The following KDM4C variants were observed in gnomAD, a reference collection of about 807,000 sequenced individuals.
The protein encoded by KDM4C is lysine demethylase 4C, also known as lysine-specific demethylase 4C.
In KDM4C, 81 loss-of-function variants were observed where a neutral mutation model predicts 129.3. That is an observed-to-expected ratio of 0.63 (90% confidence interval 0.52 to 0.75). KDM4C has a LOEUF of 0.75. Among genes scored for constraint, KDM4C ranks in the 30% least tolerant of loss-of-function variants. KDM4C has a pLI of 0.00. For missense variants in KDM4C, 1,457 were observed against 1,304.0 expected, an observed-to-expected ratio of 1.12 and a Z score of -1.81; for synonymous variants, 573 against 456.1, an observed-to-expected ratio of 1.26 and a Z score of -3.26.
At chr9:6,986,828 C>T in intron 11 of KDM4C, 162 bp downstream of exon 11, 2 of 559,772 alleles carry the variant, frequency 3.6e-6, no homozygotes, top group South Asian at 6.2e-5. Context: ...AGGTAAGCCT[C>T]CTGTGAGCTG....
intron 17 of KDM4C, among the ~76,000 whole-genome samples, chr9:7,052,818 C>A (rs1830328414): frequency 6.8e-6 from 1 of 146,304 alleles, no homozygotes; most frequent in African/African-American, 2.6e-5. Context: ...TCTTAAACTA[C>A]CACCTCCCTT....
intron 18 of KDM4C, among the ~76,000 whole-genome samples, chr9:7,122,265 ACTCTCT>A (rs1554751922): frequency 1.4e-5 from 2 of 144,714 alleles, no homozygotes; most frequent in Non-Finnish European, 3.0e-5. Context: ...ACACACACAC[ACTCTCT>A]CTCTCTCTCT....
intron 2 of KDM4C, among the ~76,000 whole-genome samples, chr9:6,796,647 CA>C (rs1206598347): frequency 5.3e-5 from 8 of 152,178 alleles, no homozygotes; most frequent in Non-Finnish European, 8.8e-5. Flanking sequence ...ACTATGATTA[CA>C]AAACACACCT....
At chr9:7,029,938 G>A (rs1241418013) in intron 15 of KDM4C, among the ~76,000 whole-genome samples, 1 of 152,176 alleles carries the variant, frequency 6.6e-6, no homozygotes, top group African/African-American at 2.4e-5. Context: ...TAAAGTATCA[G>A]TTGTGCTATG....
At chr9:6,821,017 A>G (rs1440514729) in intron 4 of KDM4C, among the ~76,000 whole-genome samples, 6 of 152,146 alleles carry the variant, frequency 3.9e-5, no homozygotes. Flanking sequence ...GATGGTTTAT[A>G]GCTCCATCCA....
intron 8 of KDM4C, among the ~76,000 whole-genome samples, chr9:6,965,458 A>G (rs191509637): frequency 2.7e-4 from 41 of 152,334 alleles, no homozygotes; most frequent in East Asian, 7.7e-4. Flanking sequence ...TCTCCAGACT[A>G]ACAATACCAG....
intron 18 of KDM4C, among the ~76,000 whole-genome samples, chr9:7,113,266 C>A (rs1013030375): frequency 1.3e-5 from 2 of 152,188 alleles, no homozygotes; most frequent in Non-Finnish European, 2.9e-5. Context: ...AGCTCTCTCT[C>A]CACTTATCCC....
chr9:6,804,239 G>A (rs1040955591), intron 2 of KDM4C, among the ~76,000 whole-genome samples: 4 of 152,188 alleles, frequency 2.6e-5, no homozygotes, highest in Admixed American at 1.3e-4. Context: ...GGTGTGCTGA[G>A]GCACCTTATA....
chr9:6,959,293 G>C (rs1299026560), intron 8 of KDM4C, among the ~76,000 whole-genome samples: 1 of 152,192 alleles, frequency 6.6e-6, no homozygotes, highest in Non-Finnish European at 1.5e-5. Flanking sequence ...ACCATAGTTA[G>C]AGGAGTGGAT....
intron 1 of KDM4C, among the ~76,000 whole-genome samples, chr9:6,741,386 C>G (rs1238979413): frequency 6.6e-6 from 1 of 152,046 alleles, no homozygotes; most frequent in Non-Finnish European, 1.5e-5. Context: ...CAGAGCGAGA[C>G]TCTATCTCAA....
intron 8 of KDM4C, among the ~76,000 whole-genome samples, chr9:6,905,177 C>T (rs1818100353): frequency 6.6e-6 from 1 of 152,118 alleles, no homozygotes; most frequent in Admixed American, 6.6e-5. Flanking sequence ...TTTGAGGATG[C>T]CATAGTATAT....
intron 1 of KDM4C, among the ~76,000 whole-genome samples, chr9:6,733,106 G>A (rs1237101736): frequency 1.3e-5 from 2 of 152,194 alleles, no homozygotes; most frequent in Non-Finnish European, 1.5e-5. Flanking sequence ...GTTTTGTTTT[G>A]TTTTCAGAGA....
At chr9:6,832,057 C>T (rs76187140) in intron 4 of KDM4C, among the ~76,000 whole-genome samples, 9,137 of 152,104 alleles carry the variant, frequency 0.06, 372 homozygotes, top group East Asian at 0.15. Flanking sequence ...TTGAATTTGT[C>T]GGCTGGGTGC....
chr9:7,109,921 A>T (rs1477679719), intron 18 of KDM4C, among the ~76,000 whole-genome samples: 1 of 152,174 alleles, frequency 6.6e-6, no homozygotes, highest in Non-Finnish European at 1.5e-5. Context: ...GTCTCACAAG[A>T]TCTGATGGCT....
intron 18 of KDM4C, among the ~76,000 whole-genome samples, chr9:7,104,634 T>G (rs966517250): frequency 2.0e-5 from 3 of 152,198 alleles, no homozygotes; most frequent in Non-Finnish European, 4.4e-5. Context: ...ATAGTTGATA[T>G]GTCTTTGTTA....
At chr9:7,062,297 G>A (rs756323873) in intron 17 of KDM4C, among the ~76,000 whole-genome samples, 1 of 151,894 alleles carries the variant, frequency 6.6e-6, no homozygotes, top group Non-Finnish European at 1.5e-5. Flanking sequence ...TGCCTTCTTA[G>A]GATGCAGCTT....
intron 4 of KDM4C, among the ~76,000 whole-genome samples, chr9:6,818,411 A>G (rs1215253176): frequency 1.3e-5 from 2 of 152,214 alleles, no homozygotes. Context: ...TGGGCAAGTC[A>G]TTAGATGTTG....
intron 19 of KDM4C, among the ~76,000 whole-genome samples, chr9:7,156,587 C>T (rs1843194550): frequency 6.6e-6 from 1 of 152,174 alleles, no homozygotes; most frequent in Non-Finnish European, 1.5e-5. Flanking sequence ...CCAGTTTTCC[C>T]AGCACCATTT....
chr9:6,959,753 G>C (rs1054169777), intron 8 of KDM4C, among the ~76,000 whole-genome samples: 6 of 152,076 alleles, frequency 3.9e-5, no homozygotes, highest in Non-Finnish European at 8.8e-5. Flanking sequence ...CTACTCATAA[G>C]TTGTTTACAC....
Sources: allele counts gnomAD v4.1 joint callset (sites outside exome capture counted in the v4.1 genomes callset), GRCh38; gene constraint gnomAD v4.1.1; transcripts MANE v1.5; gene names NCBI Gene and HGNC (gene_info 2026-07-23, HGNC 2026-07-21).